Variants in PRAMEF1 observed in about 807,000 individuals in gnomAD.
PRAMEF1 encodes the protein PRAME family member 1.
In PRAMEF1, 21 loss-of-function variants were observed where a neutral mutation model predicts 38.2. The ratio of observed to expected loss-of-function variants is 0.55; its 90% CI spans 0.39 to 0.79. The LOEUF is 0.79. Among genes scored for constraint, PRAMEF1 ranks in the 30% least tolerant of loss-of-function variants. The pLI is 0.00. For synonymous variants in PRAMEF1, 200 were observed against 229.0 expected (o/e 0.87, Z 1.14); for missense variants, 497 against 565.8 (o/e 0.88, Z 1.23).
intron 1 of PRAMEF1, among the ~76,000 whole-genome samples, chr1:12,792,814 C>A (rs544557719): frequency 6.6e-6 from 1 of 151,162 alleles, no homozygotes; most frequent in Non-Finnish European, 1.5e-5. Flanking sequence ...AGCCACAGCA[C>A]CTGGTCCATT....
Position 12,792,202 on chromosome 1 carries a change from A to G in PRAMEF1, c.-26+728A>G, listed in dbSNP as rs1237724774. Among the ~76,000 whole-genome samples the G allele has an allele frequency of 3.3e-5, 5 of 151,078 alleles. 1 individual carries two copies. In the East Asian group the frequency reaches 5.9e-4, roughly 18 times the overall value. Reference sequence around the variant, plus strand: ...ATGCCCAGCTAATTTTTGTATTTTTAGTAGACACAGGGTTTTGCCATGTTG... The same window carrying G: ...ATGCCCAGCTAATTTTTGTATTTTTGGTAGACACAGGGTTTTGCCATGTTG... On this transcript the variant is annotated intron_variant, in intron 1 of 3. Coordinates refer to ENST00000332296, the MANE Select transcript of PRAMEF1 (RefSeq NM_023013.4).
intron 1 of PRAMEF1, among the ~76,000 whole-genome samples, chr1:12,792,803 G>T (rs1639316903): frequency 1.3e-5 from 2 of 150,632 alleles, no homozygotes. Context: ...TTACAGACAT[G>T]AGCCACAGCA....
At position 12,792,949 on chromosome 1, in the gene PRAMEF1, C is replaced by G. The variant is rs1368179103; in HGVS notation, c.-25-254C>G. Among the ~76,000 whole-genome samples, 3 of 151,096 alleles carry G rather than the reference C, an allele frequency of 2.0e-5. No homozygotes were observed. The East Asian group carries it at 5.9e-4, about 30-fold the overall frequency. ...GCTGTCTGGGGCCACAGGACACTCTCATTCTCATTGCTTTAGGGTGGTAAG... is the reference window on the plus strand; with the variant it reads ...GCTGTCTGGGGCCACAGGACACTCTGATTCTCATTGCTTTAGGGTGGTAAG... On this transcript the variant is annotated intron_variant, in intron 1 of 3. Coordinates refer to ENST00000332296, the MANE Select transcript of PRAMEF1 (RefSeq NM_023013.4).
rs1287990941 is a variant in PRAMEF1 at position 12,793,239 on chromosome 1, G to C, written c.12G>C (p.Gln4His). ...GCAGATCTATCAGGATGAGCATCCAGGCCCCACCCAGACTACTGGAGCTGG... is the reference window on the plus strand; with the variant it reads ...GCAGATCTATCAGGATGAGCATCCACGCCCCACCCAGACTACTGGAGCTGG... MSI[Q>H]APPRLLELAG... Residue 4 changes from glutamine to histidine, a missense_variant, in exon 2 of 4, where the codon CAG becomes CAC. Physicochemically the swap from Gln to His is conservative, Grantham distance 24. This residue lies in a region of PRAMEF1 where 470 missense variants were observed against 501.9 expected (regional missense o/e 0.94). Coordinates refer to ENST00000332296, the MANE Select transcript of PRAMEF1 (RefSeq NM_023013.4). 2 of 1,606,634 alleles carry C rather than the reference G, an allele frequency of 1.2e-6. No homozygotes were observed. The highest frequency in any genetic ancestry group is 4.5e-5 in the East Asian group (2 of 44,384).
chr1:12,795,134 T>G (rs375172261), intron 3 of PRAMEF1, among the ~76,000 whole-genome samples: 2,193 of 148,124 alleles, frequency 0.015, 30 homozygotes, highest in South Asian at 0.031. Context: ...AGTTCTTTGT[T>G]CACATCTCCC....
At chr1:12,792,025 G>T (rs2359510) in intron 1 of PRAMEF1, among the ~76,000 whole-genome samples, 6 of 150,908 alleles carry the variant, frequency 4.0e-5, no homozygotes, top group African/African-American at 1.5e-4. Flanking sequence ...ACGGTTTCTG[G>T]TTAATTTTTT....
intron 2 of PRAMEF1, 53 bp from the exon 3 acceptor site, chr1:12,793,862 G>A (rs1186406981): frequency 5.8e-6 from 9 of 1,543,430 alleles, no homozygotes; most frequent in African/African-American, 1.4e-5. Flanking sequence ...TGAAAGCAAA[G>A]GTCAGGGATG....
chr1:12,796,056 A>G lies in PRAMEF1; in HGVS notation c.*60A>G. On this transcript the variant is annotated 3_prime_UTR_variant, in exon 4 of 4. Coordinates refer to ENST00000332296, the MANE Select transcript of PRAMEF1 (RefSeq NM_023013.4). Reference sequence around the variant, plus strand: ...GTTCTCTTCCAGGCACTTGGACACTAAAATCTACTATGTGGGTGCAAACTA... The same window carrying G: ...GTTCTCTTCCAGGCACTTGGACACTGAAATCTACTATGTGGGTGCAAACTA... 3 of 1,414,220 alleles carry G rather than the reference A, an allele frequency of 2.1e-6. No homozygotes were observed. The allele number at this position is 1,414,220 out of a possible 1,614,324, so 87.6% of individuals were successfully genotyped here.
At position 12,791,558 on chromosome 1, in the gene PRAMEF1, C is replaced by T. The variant is rs1382590913; in HGVS notation, c.-26+84C>T. On this transcript the variant is annotated intron_variant, in intron 1 of 3. Transcript: ENST00000332296. The stretch of plus-strand genomic sequence containing the variant: ...CGGTGACACACATCCCAAAGTGGCA[C>T]ACAATATTTTTCTGTCTGTTTCGTG... 4.0e-5 allele frequency: 6 copies of T among 148,584 alleles called. 1 individual carries two copies. The highest frequency in any genetic ancestry group is 1.5e-5 in the Non-Finnish European group (1 of 66,782). 9.2% of individuals were successfully genotyped at this position (148,584 alleles called of 1,614,324 possible).
chr1:12,793,304 C>T lies in PRAMEF1; in HGVS notation c.77C>T (p.Ser26Phe). Residue 26 changes from serine (S) to phenylalanine (F), a missense_variant, in exon 2 of 4, where the codon TCT becomes TTT. Transcript: ENST00000332296. ...SLLRDQALSI[S>F]AMEELPRVLY... Reference sequence around the variant, plus strand: ...CTGAGAGACCAGGCCTTGTCCATCTCTGCCATGGAGGAGCTGCCCAGGGTG... The same window carrying T: ...CTGAGAGACCAGGCCTTGTCCATCTTTGCCATGGAGGAGCTGCCCAGGGTG... The T allele has an allele frequency of 6.2e-7, 1 of 1,608,460 alleles. No homozygotes were observed. The highest frequency in any genetic ancestry group is 8.5e-7 in the Non-Finnish European group (1 of 1,177,732).
At chr1:12,793,087 G>C in intron 1 of PRAMEF1, 116 bp from the exon 2 acceptor site, 2 of 1,347,270 alleles carry the variant, frequency 1.5e-6, no homozygotes, top group Non-Finnish European at 2.0e-6. Context: ...ATAAGTCAGT[G>C]GTCTCCATGA....
At chr1:12,795,090 G>A in intron 3 of PRAMEF1, 7 of 1,054,496 alleles carry the variant, frequency 6.6e-6, no homozygotes, top group Non-Finnish European at 9.2e-6. Context: ...CTGACATGTA[G>A]CTCTAGCTGA....
rs752824986 is a variant in PRAMEF1, at chr1:12,793,195, T to A, written c.-25-8T>A. 1 of 1,605,312 alleles carries A rather than the reference T, an allele frequency of 6.2e-7. No homozygotes were observed. Among genetic ancestry groups the A allele is most frequent in the Admixed American group, 1.7e-5 (1 of 59,398 alleles). On this transcript the variant is annotated splice_region_variant and splice_polypyrimidine_tract_variant and intron_variant, in intron 1 of 3. Transcript: ENST00000332296. ...GAGTGACACATTTTCCCTGGATTTGTCTTCTAGAGATTTTCCTTGCAGATC... is the reference window on the plus strand; with the variant it reads ...GAGTGACACATTTTCCCTGGATTTGACTTCTAGAGATTTTCCTTGCAGATC...
chr1:12,795,655 C>G lies in PRAMEF1; in HGVS notation c.1084C>G (p.His362Asp), dbSNP rs1422128572. 1 of 1,611,234 alleles carries G rather than the reference C, an allele frequency of 6.2e-7. No individual in the cohort carries two copies. Among genetic ancestry groups the G allele is most frequent in the African/African-American group, 1.3e-5 (1 of 74,694 alleles). ...KTLILEGCQIHYSQLSAILPG... is the reference protein window; with the variant it reads ...KTLILEGCQIDYSQLSAILPG... ...CCTCATCTTGGAGGGCTGTCAGATCCACTACTCCCAACTCAGTGCCATCCT... is the reference window on the plus strand; with the variant it reads ...CCTCATCTTGGAGGGCTGTCAGATCGACTACTCCCAACTCAGTGCCATCCT... Residue 362 changes from histidine (H) to aspartate (D), a missense_variant, in exon 4 of 4, where the codon CAC (histidine) becomes GAC (aspartate). Physicochemically the swap from His to Asp is moderately conservative, Grantham distance 81. This residue lies in a region of PRAMEF1 where 470 missense variants were observed against 501.9 expected (regional missense o/e 0.94). Coordinates refer to ENST00000332296, the MANE Select transcript of PRAMEF1 (RefSeq NM_023013.4).
At chr1:12,792,774 G>A (rs1373407021) in intron 1 of PRAMEF1, among the ~76,000 whole-genome samples, 1 of 150,758 alleles carries the variant, frequency 6.6e-6, no homozygotes, top group Admixed American at 6.6e-5. Context: ...TGCCTCCTTG[G>A]TGTCCAGCAG....
Position 12,795,849 on chromosome 1 carries a change from T to C in PRAMEF1, c.1278T>C (p.Asn426=), listed in dbSNP as rs752597572. Residue 426 remains asparagine, a synonymous_variant, in exon 4 of 4, where the codon AAT becomes AAC. Transcript: ENST00000332296. ...GTTTGAATTCCTTGGTTCGTGTCAA[T>C]TGGGAGATCTTCACCCCACTTCGGG... ...EESLNSLVRV[N]WEIFTPLRAE... is the part of the protein sequence containing the mutation. 3.7e-6 allele frequency: 6 copies of C among 1,610,494 alleles called. No individual in the cohort carries two copies. The Admixed American group carries it at 8.4e-5, about 22-fold the overall frequency.
At position 12,795,747 on chromosome 1, in the gene PRAMEF1, C is replaced by A. The variant is rs201337684; in HGVS notation, c.1176C>A (p.Asp392Glu). ...TTGGCAGAAATTGCATGTCTATTGA[C>A]GCCCTGAAGGACCTGCTGCGCCACA... Reference protein sequence around the residue: ...FYFGRNCMSIDALKDLLRHTS... With the variant: ...FYFGRNCMSIEALKDLLRHTS... Residue 392 changes from aspartate to glutamate, a missense_variant, in exon 4 of 4, where the codon GAC becomes GAA. By Grantham distance (45) the Asp-to-Glu change is conservative (BLOSUM62 2). This residue lies in a region of PRAMEF1 where 470 missense variants were observed against 501.9 expected (regional missense o/e 0.94). Transcript: ENST00000332296. 54 of 1,611,092 alleles carry A rather than the reference C, an allele frequency of 3.4e-5. No homozygotes were observed. The highest frequency in any genetic ancestry group is 1.1e-4 in the East Asian group (5 of 44,816).
rs1569732703 is a variant in PRAMEF1 at position 12,794,287 on chromosome 1, G to C, written c.660G>C (p.Leu220=). ...LEIRNMSWPR[L]IRKLRCYLKE... ...TTCGCAACATGTCCTGGCCACGTCT[G>C]ATAAGAAAGCTTCGTTGTTACCTGA... The change falls in exon 3 of 4, where the codon CTG becomes CTC. Residue 220 remains leucine (L), a synonymous_variant. Coordinates refer to ENST00000332296, the MANE Select transcript of PRAMEF1 (RefSeq NM_023013.4). 1.9e-6 allele frequency: 3 copies of C among 1,611,568 alleles called. No homozygotes were observed. The highest frequency in any genetic ancestry group is 2.5e-6 in the Non-Finnish European group (3 of 1,178,502).
intron 1 of PRAMEF1, 28 bp from the exon 2 acceptor site, chr1:12,793,175 A>C: frequency 1.2e-6 from 2 of 1,602,420 alleles, no homozygotes; most frequent in African/African-American, 2.7e-5. Flanking sequence ...CCTGAGAGTG[A>C]CACATTTTCC....
Sources: allele counts gnomAD v4.1 joint callset (sites outside exome capture counted in the v4.1 genomes callset), GRCh38; gene constraint gnomAD v4.1.1; regional missense constraint gnomAD v4.1.1; transcripts MANE v1.5; gene names NCBI Gene and HGNC (gene_info 2026-07-23, HGNC 2026-07-21).